The following PSMD13 variants were observed in gnomAD, a reference collection of about 807,000 sequenced individuals.
The protein encoded by PSMD13 is 26S proteasome non-ATPase regulatory subunit 13.
Under a neutral mutation model 57.4 loss-of-function variants are expected in PSMD13, and 8 were observed. The observed-to-expected ratio is 0.14, with a 90% CI of 0.08 to 0.25. PSMD13 has a LOEUF of 0.25. PSMD13 is among the 10% of genes least tolerant of loss of function. The probability of loss-of-function intolerance (pLI) is 1.00; values close to 1 mark genes in which losing one functional copy is unlikely to be tolerated. For missense variants in PSMD13, 400 were observed against 461.5 expected (o/e 0.87, Z 1.22); for synonymous variants, 193 against 168.2 (o/e 1.15, Z -1.14).
Position 247,400 on chromosome 11 carries a change from A to G in PSMD13, c.520A>G (p.Lys174Glu), listed in dbSNP as rs1859673065. The G allele has an allele frequency of 1.2e-6, 2 of 1,614,164 alleles. No individual in the cohort carries two copies. Among genetic ancestry groups the G allele is most frequent in the Non-Finnish European group, 8.5e-7 (1 of 1,180,008 alleles). Residue 174 changes from lysine (K) to glutamate (E), a missense_variant, in exon 7 of 13, where the codon AAA becomes GAA. Coordinates refer to ENST00000532097, the MANE Select transcript of PSMD13 (RefSeq NM_002817.4). ...QTIGNHASYY[K>E]DALRFLGCVD... ...AATCGGAAACCACGCGTCCTACTAC[A>G]AAGATGCTCTGCGGTTTTTGGGCTG...
chr11:237,002 G>A lies in PSMD13; in HGVS notation c.-48G>A, dbSNP rs200286876. The stretch of plus-strand genomic sequence containing the variant: ...AGCATTTCCGGCAGCCATCCCCGCG[G>A]TGCTGACATCCCGGTTGTTCTTCTG... On this transcript the variant is annotated 5_prime_UTR_variant, in exon 1 of 13. It adds an upstream start codon to the 5' untranslated region. Transcript: ENST00000532097. The A allele has an allele frequency of 1.3e-6, 2 of 1,499,456 alleles. No individual in the cohort carries two copies. Among genetic ancestry groups the A allele is most frequent in the African/African-American group, 1.4e-5 (1 of 72,410 alleles). 92.9% of individuals were successfully genotyped at this position (1,499,456 alleles called of 1,614,324 possible). A position where few individuals can be genotyped will look rare whatever the true frequency, so the allele number is the denominator to read the frequency against.
Position 252,331 on chromosome 11 carries a change from A to G in PSMD13, c.1036-174A>G. ...AGTTTTTTCTAACGTTCCTGTGAAAAGAATTAACCCGGCAAGTCCCGTCCC... is the reference window on the plus strand; with the variant it reads ...AGTTTTTTCTAACGTTCCTGTGAAAGGAATTAACCCGGCAAGTCCCGTCCC... On this transcript the variant is annotated intron_variant, in intron 12 of 12. Coordinates refer to ENST00000532097, the MANE Select transcript of PSMD13 (RefSeq NM_002817.4). The surrounding 1 kb of genome is among the most constrained non-coding windows in gnomAD (Gnocchi z 4.1). The G allele has an allele frequency of 5.0e-6, 3 of 604,900 alleles. No homozygotes were observed. Among genetic ancestry groups the G allele is most frequent in the South Asian group, 4.1e-5 (2 of 48,596 alleles). The allele number at this position is 604,900 out of a possible 1,614,324, so 37.5% of individuals were successfully genotyped here.
chr11:245,589 T>C (rs1859620813), intron 6 of PSMD13, among the ~76,000 whole-genome samples: 1 of 151,894 alleles, frequency 6.6e-6, no homozygotes, highest in Non-Finnish European at 1.5e-5. Flanking sequence ...CAGGTATGGA[T>C]GTGGGTGGCA....
intron 6 of PSMD13, 107 bp from the exon 7 acceptor site, chr11:247,170 G>C: frequency 8.9e-7 from 1 of 1,119,054 alleles, no homozygotes; most frequent in Non-Finnish European, 1.2e-6. Flanking sequence ...ATCACTTGAG[G>C]CCAGGAGTTC....
rs144892497 is a variant in PSMD13 at position 248,594 on chromosome 11, A to G, written c.569-182A>G. The G allele has an allele frequency of 3.3e-4, 207 of 619,662 alleles. No homozygotes were observed. In the African/African-American group the frequency reaches 3.6e-3, roughly 11 times the overall value. 38.4% of individuals were successfully genotyped at this position (619,662 alleles called of 1,614,324 possible). A position where few individuals can be genotyped will look rare whatever the true frequency, so the allele number is the denominator to read the frequency against. On this transcript the variant is annotated intron_variant, in intron 7 of 12. Transcript: ENST00000532097. ...TGCTCCTCCCAAAAAACCCATGTAT[A>G]TATGGTTCTTGGTATAATCTAAGTC...
At chr11:247,689 C>G (rs1859681103) in intron 7 of PSMD13, 1 of 329,812 alleles carries the variant, frequency 3.0e-6, no homozygotes, top group Admixed American at 4.8e-5. Flanking sequence ...AAAAACTAGC[C>G]AGGTGTGATG....
chr11:239,723 C>T (rs1305983848), intron 2 of PSMD13, among the ~76,000 whole-genome samples: 1 of 152,052 alleles, frequency 6.6e-6, no homozygotes, highest in Non-Finnish European at 1.5e-5. Context: ...ACCTTCTTTC[C>T]CAGCCTTCCC....
At chr11:249,609 G>A (rs1467057223) in intron 9 of PSMD13, among the ~76,000 whole-genome samples, 3 of 63,032 alleles carry the variant, frequency 4.8e-5, no homozygotes, top group East Asian at 1.1e-3. Context: ...GGAGAGCGGC[G>A]GGTGCGGGGA....
intron 10 of PSMD13, 119 bp downstream of exon 10, chr11:250,984 T>C (rs1489724134): frequency 2.3e-6 from 2 of 866,776 alleles, no homozygotes; most frequent in African/African-American, 3.3e-5. Context: ...GCTTCTGCTG[T>C]GCGCCGCTCT....
chr11:239,170 C>G, intron 2 of PSMD13, 94 bp downstream of exon 2: 3 of 1,200,634 alleles, frequency 2.5e-6, no homozygotes, highest in Non-Finnish European at 3.7e-6. Context: ...ATAATAAGCT[C>G]CAATATTCAG....
chr11:241,501 A>G (rs1859515075), intron 2 of PSMD13, among the ~76,000 whole-genome samples: 1 of 152,170 alleles, frequency 6.6e-6, no homozygotes, highest in South Asian at 2.1e-4. Context: ...TAATTGCTAC[A>G]GGGGTGTTTT....
At position 252,026 on chromosome 11, in the gene PSMD13, G is replaced by A. The variant is rs900573504; in HGVS notation, c.1035+90G>A. On this transcript the variant is annotated intron_variant, in intron 12 of 12. Coordinates refer to ENST00000532097, the MANE Select transcript of PSMD13 (RefSeq NM_002817.4). The surrounding 1 kb of genome is among the most constrained non-coding windows in gnomAD (Gnocchi z 4.1). ...AGTTTCATTTGGATGGAAGCCATTT[G>A]GGAAGACAGCATTATTAGACAAGAG... 1.6e-5 allele frequency: 19 copies of A among 1,200,874 alleles called. No homozygotes were observed. Among genetic ancestry groups the A allele is most frequent in the Non-Finnish European group, 2.0e-5 (17 of 832,764 alleles). 74.4% of individuals were successfully genotyped at this position (1,200,874 alleles called of 1,614,324 possible).
chr11:248,506 C>T, intron 7 of PSMD13: 1 of 464,686 alleles, frequency 2.2e-6, no homozygotes, highest in Non-Finnish European at 3.9e-6. Flanking sequence ...TAAGGCACTT[C>T]CTGGAAGTGG....
chr11:241,369 C>G (rs1859510466), intron 2 of PSMD13, among the ~76,000 whole-genome samples: 1 of 152,166 alleles, frequency 6.6e-6, no homozygotes, highest in Non-Finnish European at 1.5e-5. Flanking sequence ...GAACTCCTGT[C>G]CTCACGTGAT....
In PSMD13 at chr11:252,546, T is replaced by G. The variant is rs1391787586; in HGVS notation, c.1077T>G (p.Asp359Glu). Residue 359 changes from aspartate to glutamate, a missense_variant, in exon 13 of 13, where the codon GAT becomes GAG. Coordinates refer to ENST00000532097, the MANE Select transcript of PSMD13 (RefSeq NM_002817.4). The surrounding 1 kb of genome is among the most constrained non-coding windows in gnomAD (Gnocchi z 4.1). ...ACCGCCTGGAGTTCTGGTGCACGGA[T>G]GTGAAGAGCATGGAGATGCTGGTGG... ...MKDRLEFWCT[D>E]VKSMEMLVEH... 6 of 1,613,962 alleles carry G rather than the reference T, an allele frequency of 3.7e-6. No homozygotes were observed. The highest frequency in any genetic ancestry group is 5.1e-6 in the Non-Finnish European group (6 of 1,179,954).
At chr11:241,710 C>T (rs775776570) in intron 2 of PSMD13, among the ~76,000 whole-genome samples, 10 of 152,148 alleles carry the variant, frequency 6.6e-5, no homozygotes, top group South Asian at 4.1e-4. Context: ...CCCTAAATCT[C>T]TCTCAAATTA....
chr11:247,621 C>G (rs1859679379), intron 7 of PSMD13, 173 bp downstream of exon 7: 1 of 630,946 alleles, frequency 1.6e-6, no homozygotes, highest in Admixed American at 3.5e-5. Context: ...CACCTGAGGT[C>G]AGGAGTTCGA....
chr11:252,068 T>C lies in PSMD13; in HGVS notation c.1035+132T>C. On this transcript the variant is annotated intron_variant, in intron 12 of 12. Transcript: ENST00000532097. The surrounding 1 kb of genome is among the most constrained non-coding windows in gnomAD (Gnocchi z 4.1). ...AGACAAGAGGTTTTGGAGAAGGAAA[T>C]ACTGCTGTTGGGTTTTTCTAAGAGC... is the stretch of plus-strand genomic sequence containing the variant. 3 of 850,196 alleles carry C rather than the reference T, an allele frequency of 3.5e-6. No individual in the cohort carries two copies. The highest frequency in any genetic ancestry group is 5.7e-6 in the Non-Finnish European group (3 of 529,706). 52.7% of individuals were successfully genotyped at this position (850,196 alleles called of 1,614,324 possible). A position where few individuals can be genotyped will look rare whatever the true frequency, so the allele number is the denominator to read the frequency against.
intron 2 of PSMD13, among the ~76,000 whole-genome samples, chr11:241,812 G>A (rs1363798245): frequency 6.6e-6 from 1 of 152,132 alleles, no homozygotes; most frequent in Admixed American, 6.6e-5. Flanking sequence ...TTCACCTGCT[G>A]TCCTCTCTGC....
Sources: allele counts gnomAD v4.1 joint callset (sites outside exome capture counted in the v4.1 genomes callset), GRCh38; gene constraint gnomAD v4.1.1; non-coding constraint Gnocchi (gnomAD v3.1); transcripts MANE v1.5; gene names NCBI Gene and HGNC (gene_info 2026-07-23, HGNC 2026-07-21).